The following CSMD1 variants were observed in gnomAD, a reference collection of about 807,000 sequenced individuals.
CSMD1 encodes CUB and Sushi multiple domains 1, also known as CUB and sushi domain-containing protein 1.
A neutral mutation model predicts 417.5 loss-of-function variants in CSMD1; 213 were observed. The ratio of observed to expected loss-of-function variants is 0.51; its 90% CI spans 0.46 to 0.57. The LOEUF is 0.57. Ranked by LOEUF, CSMD1 falls within the 20% of genes least tolerant of loss-of-function variation. The pLI is 0.00. For synonymous variants in CSMD1, 2,862 were observed against 1,736.8 expected (o/e 1.65, Z -16.11); for missense variants, 6,923 against 4,529.7 (o/e 1.53, Z -15.17).
chr8:3,579,991 C>G (rs1800314175), intron 9 of CSMD1, among the ~76,000 whole-genome samples: 1 of 152,192 alleles, frequency 6.6e-6, no homozygotes, highest in South Asian at 2.1e-4. Flanking sequence ...GTAATCCCAG[C>G]TACTCAGGAG....
intron 2 of CSMD1, among the ~76,000 whole-genome samples, chr8:4,452,420 C>T (rs897377125): frequency 3.3e-5 from 5 of 152,300 alleles, no homozygotes; most frequent in East Asian, 3.9e-4. Flanking sequence ...TGTTCTTACA[C>T]GGTGATTCTT....
At position 4,270,199 on chromosome 8, in the gene CSMD1, C is replaced by T. The variant is rs1804497472; in HGVS notation, c.415+149754G>A. ...GGTTAGAAAGGAGTTGACATAGCCG[C>T]GTGTTTCCTACGGTGCAAATCACAC... On this transcript the variant is annotated intron_variant, in intron 3 of 69. Coordinates refer to ENST00000635120, the MANE Select transcript of CSMD1 (RefSeq NM_033225.6). 3.3e-5 allele frequency among the ~76,000 whole-genome samples: 5 copies of T among 152,262 alleles called. No individual in the cohort carries two copies. In the South Asian group the frequency reaches 8.3e-4, roughly 25 times the overall value.
chr8:4,155,693 C>T (rs185417478), intron 3 of CSMD1, among the ~76,000 whole-genome samples: 1 of 152,070 alleles, frequency 6.6e-6, no homozygotes, highest in African/African-American at 2.4e-5. Flanking sequence ...AATTTCTAAT[C>T]AACAGTGTTC....
chr8:4,241,296 C>T (rs1353315339), intron 3 of CSMD1, among the ~76,000 whole-genome samples: 1 of 152,190 alleles, frequency 6.6e-6, no homozygotes, highest in Non-Finnish European at 1.5e-5. Flanking sequence ...TTCCCTTTAC[C>T]TGCTGTAACC....
intron 5 of CSMD1, among the ~76,000 whole-genome samples, chr8:3,757,699 C>CTAATAATACAAAAA (rs1797736679): frequency 6.6e-6 from 1 of 151,910 alleles, no homozygotes; most frequent in Non-Finnish European, 1.5e-5. Context: ...CCTGTCTCTA[C>CTAATAATACAAAAA]TTAGCTGGGC....
At chr8:4,163,650 A>G (rs7015066) in intron 3 of CSMD1, among the ~76,000 whole-genome samples, 86 of 152,288 alleles carry the variant, frequency 5.6e-4, no homozygotes, top group African/African-American at 1.9e-3. Flanking sequence ...AAGTGGAGTA[A>G]AATTCAAGGA....
intron 5 of CSMD1, among the ~76,000 whole-genome samples, chr8:3,898,350 C>G (rs530656439): frequency 6.7e-4 from 75 of 112,508 alleles, no homozygotes; most frequent in Middle Eastern, 8.7e-3. Flanking sequence ...GTGTAGTAAA[C>G]TCTCTGTTAT....
At chr8:3,796,679 C>A (rs1464482577) in intron 5 of CSMD1, among the ~76,000 whole-genome samples, 1 of 149,734 alleles carries the variant, frequency 6.7e-6, no homozygotes, top group Non-Finnish European at 1.5e-5. Flanking sequence ...TATATGTATA[C>A]ATTGGAAGGT....
At chr8:4,169,671 G>C (rs1797654604) in intron 3 of CSMD1, among the ~76,000 whole-genome samples, 1 of 152,134 alleles carries the variant, frequency 6.6e-6, no homozygotes, top group Admixed American at 6.5e-5. Flanking sequence ...CGCCGGAAGA[G>C]CACACTCCTG....
At chr8:3,903,219 G>A (rs745793510) in intron 5 of CSMD1, among the ~76,000 whole-genome samples, 9 of 151,972 alleles carry the variant, frequency 5.9e-5, no homozygotes, top group Non-Finnish European at 1.0e-4. Flanking sequence ...TGCACCAGTG[G>A]CCTCTAAAAT....
intron 3 of CSMD1, among the ~76,000 whole-genome samples, chr8:4,256,708 G>A (rs951019042): frequency 5.5e-5 from 7 of 126,666 alleles, no homozygotes; most frequent in African/African-American, 2.2e-4. Flanking sequence ...GGCGTGGTGT[G>A]GGGGAAGGAA....
At chr8:4,023,544 C>T (rs1451699337) in intron 4 of CSMD1, among the ~76,000 whole-genome samples, 1 of 151,526 alleles carries the variant, frequency 6.6e-6, no homozygotes, top group African/African-American at 2.4e-5. Context: ...GAGCAATATT[C>T]ACGCACTTAC....
rs983252879 is a variant in CSMD1, at chr8:3,464,859, C to A, written c.1561+3853G>T. On this transcript the variant is annotated intron_variant, in intron 12 of 69. Transcript: ENST00000635120. ...GTTTTAAACAAAGCTTACCTCTCTC[C>A]CATTACTTTCTGACACTTAACATGA... Among the ~76,000 whole-genome samples the A allele has an allele frequency of 2.0e-5, 3 of 152,112 alleles. No homozygotes were observed. In the East Asian group the frequency reaches 5.8e-4, roughly 29 times the overall value.
chr8:4,785,498 A>C (rs1044748577), intron 1 of CSMD1, among the ~76,000 whole-genome samples: 1 of 152,138 alleles, frequency 6.6e-6, no homozygotes, highest in African/African-American at 2.4e-5. Flanking sequence ...GAGACTTAGA[A>C]AGCTGATTAC....
intron 1 of CSMD1, among the ~76,000 whole-genome samples, chr8:4,637,863 G>A (rs945394796): frequency 6.6e-6 from 1 of 151,034 alleles, no homozygotes; most frequent in Non-Finnish European, 1.5e-5. Flanking sequence ...GTAGAGACGG[G>A]GTTTCACCTT....
At chr8:3,875,277 A>G (rs550410354) in intron 5 of CSMD1, among the ~76,000 whole-genome samples, 33 of 152,264 alleles carry the variant, frequency 2.2e-4, no homozygotes, top group African/African-American at 7.2e-4. Flanking sequence ...ATAAAAGGCA[A>G]TATTTACACT....
chr8:3,701,196 C>A (rs1800845307), intron 7 of CSMD1, among the ~76,000 whole-genome samples: 1 of 152,044 alleles, frequency 6.6e-6, no homozygotes, highest in Non-Finnish European at 1.5e-5. Context: ...GAAGTTCTGG[C>A]CCGTAGAAGA....
intron 3 of CSMD1, among the ~76,000 whole-genome samples, chr8:4,319,678 G>A (rs756322829): frequency 1.3e-5 from 2 of 152,100 alleles, no homozygotes; most frequent in African/African-American, 2.4e-5. Context: ...GAACAGAGAA[G>A]GGAAGCAATC....
intron 3 of CSMD1, among the ~76,000 whole-genome samples, chr8:4,236,201 C>T (rs1484040621): frequency 6.6e-6 from 1 of 152,010 alleles, no homozygotes; most frequent in Non-Finnish European, 1.5e-5. Context: ...TGATGTACGT[C>T]TGCGGGAATT....
Sources: gnomAD v4.1 joint callset for allele counts (sites outside exome capture counted in the v4.1 genomes callset) on GRCh38, gnomAD v4.1.1 for gene constraint, MANE v1.5 for transcripts, NCBI Gene and HGNC (gene_info 2026-07-23, HGNC 2026-07-21) for gene names.